PCDHA1: variants seen among roughly 807,000 people sequenced by gnomAD.
PCDHA1 encodes protocadherin alpha-1.
A neutral mutation model predicts 61.3 loss-of-function variants in PCDHA1; 42 were observed. That is an observed-to-expected ratio of 0.69 (90% CI 0.54 to 0.89). PCDHA1 has a LOEUF of 0.89. Ranked by LOEUF, PCDHA1 falls within the 40% of genes least tolerant of loss-of-function variation. PCDHA1 has a pLI of 0.00. For missense variants in PCDHA1, 1,256 were observed against 1,235.3 expected, an observed-to-expected ratio of 1.02 and a Z score of -0.25; for synonymous variants, 610 against 553.8, an observed-to-expected ratio of 1.10 and a Z score of -1.43.
At chr5:140,863,106 C>G (rs782630265) in intron 1 of PCDHA1, 1 of 582,196 alleles carries the variant, frequency 1.7e-6, no homozygotes, top group Non-Finnish European at 3.4e-6. Context: ...GTACCCTGGA[C>G]GAGGCGAAAG....
intron 1 of PCDHA1, chr5:140,796,482 C>T (rs1339905163): frequency 5.0e-6 from 8 of 1,612,186 alleles, no homozygotes; most frequent in South Asian, 1.1e-5. Context: ...CGTTGTCGAG[C>T]TACGTTTCGG....
rs2150359947 is a variant in PCDHA1, at chr5:140,843,438, C to T, written c.2394+54754C>T. The T allele has an allele frequency of 2.5e-6, 4 of 1,595,980 alleles. No homozygotes were observed. In the African/African-American group the frequency reaches 5.4e-5, roughly 21 times the overall value. ...GTGTACCTGATCATCGCCATCTGCGCGGTATCCAGCCTGCTGGTGCTCACG... is the reference window on the plus strand; with the variant it reads ...GTGTACCTGATCATCGCCATCTGCGTGGTATCCAGCCTGCTGGTGCTCACG... On this transcript the variant is annotated intron_variant, in intron 1 of 3. Coordinates refer to ENST00000504120, the MANE Select transcript of PCDHA1 (RefSeq NM_018900.4).
intron 1 of PCDHA1, chr5:140,858,495 G>A (rs2045450784): frequency 6.7e-7 from 1 of 1,481,628 alleles, no homozygotes; most frequent in East Asian, 2.5e-5. Flanking sequence ...TTCTCTTACC[G>A]CATTTTCTCA....
chr5:140,848,680 G>C (rs2150417098), intron 1 of PCDHA1: 2 of 1,592,250 alleles, frequency 1.3e-6, no homozygotes, highest in African/African-American at 1.3e-5. Context: ...CTGGTGCCGC[G>C]CCTGTTCCAG....
intron 1 of PCDHA1, among the ~76,000 whole-genome samples, chr5:140,952,252 A>T (rs1230858145): frequency 6.6e-6 from 1 of 151,034 alleles, no homozygotes; most frequent in Admixed American, 6.6e-5. Context: ...CTGCTGGTGG[A>T]TTCCCATTCT....
chr5:140,991,003 A>C (rs1228444549), intron 3 of PCDHA1, among the ~76,000 whole-genome samples: 1 of 152,190 alleles, frequency 6.6e-6, no homozygotes, highest in East Asian at 1.9e-4. Flanking sequence ...ATTTATTGAG[A>C]ACTGTGATAA....
Position 140,787,986 on chromosome 5 carries a change from C to T in PCDHA1, c.1696C>T (p.Leu566=). The T allele has an allele frequency of 2.5e-6, 4 of 1,613,998 alleles. No individual in the cohort carries two copies. Among genetic ancestry groups the T allele is most frequent in the Non-Finnish European group, 3.4e-6 (4 of 1,179,904 alleles). The change falls in exon 1 of 4, where the codon CTG becomes TTG. Residue 566 remains leucine, a synonymous_variant. Transcript: ENST00000504120. ...CGAGAACGACAACGCGCCGGCGCTG[C>T]TGGCGCCTCGAGTGGGTGGCACTAT... ...LDENDNAPAL[L]APRVGGTIGA...
chr5:140,801,594 T>G (rs782256695), intron 1 of PCDHA1: 2 of 1,614,182 alleles, frequency 1.2e-6, no homozygotes, highest in Non-Finnish European at 1.7e-6. Context: ...CGCGCCAGTT[T>G]TTCCAATGGC....
chr5:140,954,836 A>T (rs1185482098), intron 1 of PCDHA1, among the ~76,000 whole-genome samples: 1 of 152,086 alleles, frequency 6.6e-6, no homozygotes, highest in Non-Finnish European at 1.5e-5. Context: ...TTTGTCATGA[A>T]ATCTTTGCCT....
intron 1 of PCDHA1, chr5:140,801,761 A>G (rs1762778160): frequency 1.2e-6 from 2 of 1,613,888 alleles, no homozygotes; most frequent in African/African-American, 2.7e-5. Flanking sequence ...ATGATGAGGA[A>G]ATTAAATCCC....
At chr5:140,824,105 A>G in intron 1 of PCDHA1, 1 of 1,614,110 alleles carries the variant, frequency 6.2e-7, no homozygotes, top group East Asian at 2.2e-5. Flanking sequence ...AGCCTTCCTC[A>G]GGGTCCCACC....
At chr5:140,968,288 C>T (rs782056996) in intron 1 of PCDHA1, 16 of 1,613,976 alleles carry the variant, frequency 9.9e-6, no homozygotes, top group Middle Eastern at 1.6e-4. Context: ...GACCTACTCC[C>T]TTCTGGAGAG....
chr5:140,954,383 T>C (rs1333017700), intron 1 of PCDHA1, among the ~76,000 whole-genome samples: 6 of 152,208 alleles, frequency 3.9e-5, no homozygotes, highest in African/African-American at 1.4e-4. Context: ...ATGAGTGAAC[T>C]AATTTACAAC....
intron 1 of PCDHA1, chr5:140,795,586 G>T (rs1554119502): frequency 6.2e-7 from 1 of 1,614,088 alleles, no homozygotes; most frequent in Non-Finnish European, 8.5e-7. Flanking sequence ...AACTGCTGAG[G>T]TTAATTTGTT....
intron 1 of PCDHA1, chr5:140,866,356 A>G (rs1554160259): frequency 6.6e-6 from 1 of 152,172 alleles, no homozygotes; most frequent in African/African-American, 2.4e-5. Flanking sequence ...AAATGTTTAC[A>G]ATATTGCATA....
intron 1 of PCDHA1, chr5:140,808,763 G>A (rs1554124770): frequency 1.9e-6 from 3 of 1,612,286 alleles, no homozygotes; most frequent in Non-Finnish European, 2.5e-6. Flanking sequence ...GCTGGACCAC[G>A]AGGAGCTAGA....
intron 1 of PCDHA1, chr5:140,870,717 T>C (rs782672690): frequency 4.3e-6 from 7 of 1,613,062 alleles, no homozygotes; most frequent in South Asian, 2.2e-5. Context: ...GCGCGCGCGA[T>C]GCGGGCGTGC....
chr5:140,807,166 A>T (rs782160666), intron 1 of PCDHA1: 1 of 1,604,904 alleles, frequency 6.2e-7, no homozygotes, highest in Non-Finnish European at 8.5e-7. Flanking sequence ...ATTTAATCAG[A>T]ACAAAATACT....
At chr5:140,965,388 C>A (rs2095896527) in intron 1 of PCDHA1, among the ~76,000 whole-genome samples, 1 of 151,982 alleles carries the variant, frequency 6.6e-6, no homozygotes, top group Non-Finnish European at 1.5e-5. Flanking sequence ...CACAGAAGAA[C>A]AGAAGTCTAA....
Sources: gnomAD v4.1 joint callset for allele counts (sites outside exome capture counted in the v4.1 genomes callset) on GRCh38, gnomAD v4.1.1 for gene constraint, MANE v1.5 for transcripts, NCBI Gene and HGNC (gene_info 2026-07-23, HGNC 2026-07-21) for gene names.